The following NKAIN3 variants were observed in gnomAD, a reference collection of about 807,000 sequenced individuals.
NKAIN3 encodes sodium/potassium-transporting ATPase subunit beta-1-interacting protein 3.
A neutral mutation model predicts 30.2 loss-of-function variants in NKAIN3; 25 were observed. That is an observed-to-expected ratio of 0.83 (90% CI 0.60 to 1.16). The LOEUF is 1.16. NKAIN3 is among the 50% of genes most tolerant of loss of function. NKAIN3 has a pLI of 0.00. For missense variants in NKAIN3, 225 were observed against 254.1 expected, an observed-to-expected ratio of 0.89 and a Z score of 0.78; for synonymous variants, 91 against 89.6, an observed-to-expected ratio of 1.02 and a Z score of -0.09.
At chr8:62,391,956 T>C (rs13270924) in intron 1 of NKAIN3, among the ~76,000 whole-genome samples, 63,697 of 151,834 alleles carry the variant, frequency 0.42, 15,626 homozygotes, top group Non-Finnish European at 0.54. Flanking sequence ...GAATAATTTA[T>C]CTTTGGTGTA....
chr8:62,823,112 A>G (rs1196968944), intron 4 of NKAIN3, among the ~76,000 whole-genome samples: 4 of 152,166 alleles, frequency 2.6e-5, no homozygotes, highest in Admixed American at 2.0e-4. Context: ...TGGTGAGTGA[A>G]TGTGAAGGCC....
intron 4 of NKAIN3, among the ~76,000 whole-genome samples, chr8:62,850,154 G>A (rs1176399201): frequency 6.6e-6 from 1 of 152,052 alleles, no homozygotes; most frequent in African/African-American, 2.4e-5. Context: ...ATTCTAACTG[G>A]TGTGAGATGC....
At chr8:62,257,566 A>G (rs1351558390) in intron 1 of NKAIN3, among the ~76,000 whole-genome samples, 3 of 152,184 alleles carry the variant, frequency 2.0e-5, no homozygotes, top group Non-Finnish European at 4.4e-5. Flanking sequence ...CAAAAAAAAT[A>G]ATGTCTCTGT....
intron 3 of NKAIN3, among the ~76,000 whole-genome samples, chr8:62,697,165 C>T (rs1814182473): frequency 6.6e-6 from 1 of 152,162 alleles, no homozygotes; most frequent in African/African-American, 2.4e-5. Context: ...CTCCCTATTT[C>T]ACCTGGAGGA....
At chr8:62,430,366 G>GGTGTGTGTATGTGT (rs923386627) in intron 1 of NKAIN3, among the ~76,000 whole-genome samples, 18 of 142,460 alleles carry the variant, frequency 1.3e-4, no homozygotes, top group African/African-American at 4.7e-4. Context: ...TATATATTGT[G>GGTGTGTGTATGTGT]GTGTGTGTGT....
At chr8:62,385,612 T>C (rs936292946) in intron 1 of NKAIN3, among the ~76,000 whole-genome samples, 5 of 152,168 alleles carry the variant, frequency 3.3e-5, no homozygotes, top group African/African-American at 1.2e-4. Flanking sequence ...TAACATCATA[T>C]AGCATGACCA....
At chr8:62,608,100 C>T (rs1211586191) in intron 3 of NKAIN3, among the ~76,000 whole-genome samples, 1 of 152,104 alleles carries the variant, frequency 6.6e-6, no homozygotes. Context: ...AATCTAAAAA[C>T]TAAGACATAT....
At chr8:62,624,517 G>GT (rs56227547) in intron 3 of NKAIN3, among the ~76,000 whole-genome samples, 39,303 of 146,210 alleles carry the variant, frequency 0.27, 5,645 homozygotes, top group African/African-American at 0.4. Flanking sequence ...CTTTATTTAG[G>GT]TTTTTTTTTT....
At chr8:62,929,047 A>G (rs190575971) in intron 5 of NKAIN3, among the ~76,000 whole-genome samples, 17 of 152,274 alleles carry the variant, frequency 1.1e-4, no homozygotes, top group African/African-American at 3.8e-4. Flanking sequence ...GTAGGCTAAC[A>G]CCTGAGGATG....
chr8:62,887,828 T>TAATAATA, intron 4 of NKAIN3, among the ~76,000 whole-genome samples: 1 of 152,230 alleles, frequency 6.6e-6, no homozygotes, highest in Non-Finnish European at 1.5e-5. Flanking sequence ...TAATAATAGT[T>TAATAATA]GTTTCAAATT....
Position 62,810,374 on chromosome 8 carries a change from GTGTTTTATTTATGGTGTGCAAGCA to G in NKAIN3, c.471+63248_471+63271del, listed in dbSNP as rs1818449323. On this transcript the variant is annotated intron_variant, in intron 4 of 6. Coordinates refer to ENST00000623646, the MANE Select transcript of NKAIN3 (RefSeq NM_001304533.3). The stretch of plus-strand genomic sequence containing the variant: ...AGTAGGTCATTTCTCAGGTAAAAAA[GTGTTTTATTTATGGTGTGCAAGCA>G]TGGGAATGAGAAGGTCTGGGTTTCA... Among the ~76,000 whole-genome samples, 5 of 152,188 alleles carry G rather than the reference GTGTTTTATTTATGGTGTGCAAGCA, an allele frequency of 3.3e-5. No individual in the cohort carries two copies. In the South Asian group the frequency reaches 1.0e-3, roughly 32 times the overall value.
intron 1 of NKAIN3, among the ~76,000 whole-genome samples, chr8:62,303,964 A>G (rs1432200154): frequency 2.0e-5 from 3 of 150,684 alleles, no homozygotes; most frequent in Non-Finnish European, 4.4e-5. Context: ...CACGATTAGT[A>G]CTGTCTTTTA....
At chr8:62,476,112 G>A (rs1806510663) in intron 1 of NKAIN3, among the ~76,000 whole-genome samples, 1 of 152,216 alleles carries the variant, frequency 6.6e-6, no homozygotes, top group African/African-American at 2.4e-5. Context: ...AGGGATTTCA[G>A]ATGAGGGTTG....
chr8:62,755,250 A>T (rs986415089), intron 4 of NKAIN3, among the ~76,000 whole-genome samples: 4 of 152,192 alleles, frequency 2.6e-5, no homozygotes, highest in African/African-American at 9.7e-5. Flanking sequence ...TGGTCATGTG[A>T]GAAAAGAGGA....
intron 3 of NKAIN3, among the ~76,000 whole-genome samples, chr8:62,636,634 G>A (rs1416033467): frequency 6.6e-6 from 1 of 152,204 alleles, no homozygotes; most frequent in Non-Finnish European, 1.5e-5. Flanking sequence ...TGTATTGTAA[G>A]TACCTCTAGG....
At chr8:62,701,188 C>T (rs905086008) in intron 3 of NKAIN3, among the ~76,000 whole-genome samples, 1 of 152,132 alleles carries the variant, frequency 6.6e-6, no homozygotes, top group African/African-American at 2.4e-5. Context: ...ATTCATAATG[C>T]CACTATAATG....
At chr8:62,411,731 A>C (rs1471357573) in intron 1 of NKAIN3, among the ~76,000 whole-genome samples, 1 of 152,000 alleles carries the variant, frequency 6.6e-6, no homozygotes, top group Admixed American at 6.6e-5. Context: ...ACAGTGTACA[A>C]TAATCAGTAG....
At chr8:62,604,630 C>T (rs1276407193) in intron 3 of NKAIN3, among the ~76,000 whole-genome samples, 1 of 151,974 alleles carries the variant, frequency 6.6e-6, no homozygotes, top group Non-Finnish European at 1.5e-5. Context: ...ATTTATGGAA[C>T]CCAAATATTA....
chr8:62,713,938 T>C (rs542119967), intron 3 of NKAIN3, among the ~76,000 whole-genome samples: 2 of 152,286 alleles, frequency 1.3e-5, no homozygotes, highest in South Asian at 4.1e-4. Context: ...ATAAAACCAC[T>C]AGATTGTGAT....
Sources: allele counts gnomAD v4.1 joint callset (sites outside exome capture counted in the v4.1 genomes callset), GRCh38; gene constraint gnomAD v4.1.1; transcripts MANE v1.5; gene names NCBI Gene and HGNC (gene_info 2026-07-23, HGNC 2026-07-21).